The following ZNF556 variants were observed in gnomAD, a reference collection of about 807,000 sequenced individuals.
ZNF556 encodes zinc finger protein 556.
A neutral mutation model predicts 13.6 loss-of-function variants in ZNF556; 11 were observed. That is an observed-to-expected ratio of 0.81 (90% CI 0.51 to 1.33). The LOEUF (loss-of-function observed/expected upper bound fraction) is 1.33. ZNF556 is among the 40% of genes most tolerant of loss of function. ZNF556 has a pLI of 0.00. For missense variants in ZNF556, 633 were observed against 566.2 expected, an observed-to-expected ratio of 1.12 and a Z score of -1.20; for synonymous variants, 229 against 207.8, an observed-to-expected ratio of 1.10 and a Z score of -0.88.
chr19:2,867,495 G>T (rs1325811365), intron 1 of ZNF556, 71 bp downstream of exon 1: 3 of 1,558,696 alleles, frequency 1.9e-6, no homozygotes, highest in East Asian at 2.3e-5. Flanking sequence ...GCCAGAACAC[G>T]CTGAAACTCC....
chr19:2,869,150 C>G (rs555861013), intron 1 of ZNF556, among the ~76,000 whole-genome samples: 1 of 152,292 alleles, frequency 6.6e-6, no homozygotes, highest in East Asian at 1.9e-4. Context: ...GACATTATTA[C>G]ATGTGTGTCC....
Position 2,881,290 on chromosome 19 carries a change from A to G in ZNF556, c.*2961A>G, listed in dbSNP as rs2087902983. ...ATAAAACAAGTTTAAACTTTATTGG[A>G]GCCCAGTAGCAATGGCTCACGCCTG... On this transcript the variant is annotated 3_prime_UTR_variant, in exon 4 of 4. Coordinates refer to ENST00000307635, the MANE Select transcript of ZNF556 (RefSeq NM_024967.3). 6.6e-6 allele frequency: 1 copy of G among 152,240 alleles called. No individual in the cohort carries two copies. The highest frequency in any genetic ancestry group is 2.4e-5 in the African/African-American group (1 of 41,476). 9.4% of individuals were successfully genotyped at this position (152,240 alleles called of 1,614,324 possible). A position where few individuals can be genotyped will look rare whatever the true frequency, so the allele number is the denominator to read the frequency against.
chr19:2,867,502 C>G, intron 1 of ZNF556, 78 bp downstream of exon 1: 2 of 1,554,512 alleles, frequency 1.3e-6, no homozygotes, highest in African/African-American at 2.7e-5. Context: ...CACGCTGAAA[C>G]TCCCGGGGGA....
intron 1 of ZNF556, among the ~76,000 whole-genome samples, chr19:2,871,273 A>G (rs1033360639): frequency 6.6e-6 from 1 of 152,210 alleles, no homozygotes; most frequent in Non-Finnish European, 1.5e-5. Context: ...CCTGGGGCAC[A>G]TTATGCTATG....
intron 1 of ZNF556, 118 bp from the exon 2 acceptor site, chr19:2,873,378 C>G (rs1207113770): frequency 7.8e-7 from 1 of 1,281,238 alleles, no homozygotes; most frequent in African/African-American, 1.5e-5. Context: ...AGGACTGAGT[C>G]TTAAATAGAT....
In ZNF556 at chr19:2,881,278, A is replaced by C. The variant is rs1332394920; in HGVS notation, c.*2949A>C. 1 of 152,258 alleles carries C rather than the reference A, an allele frequency of 6.6e-6. No homozygotes were observed. Among genetic ancestry groups the C allele is most frequent in the Admixed American group, 6.5e-5 (1 of 15,274 alleles). 9.4% of individuals were successfully genotyped at this position (152,258 alleles called of 1,614,324 possible). A position where few individuals can be genotyped will look rare whatever the true frequency, so the allele number is the denominator to read the frequency against. ...AAAAGATAACTAATAAAACAAGTTTAAACTTTATTGGAGCCCAGTAGCAAT... is the reference window on the plus strand; with the variant it reads ...AAAAGATAACTAATAAAACAAGTTTCAACTTTATTGGAGCCCAGTAGCAAT... On this transcript the variant is annotated 3_prime_UTR_variant, in exon 4 of 4. Coordinates refer to ENST00000307635, the MANE Select transcript of ZNF556 (RefSeq NM_024967.3).
At position 2,880,981 on chromosome 19, in the gene ZNF556, C is replaced by A. The variant is rs536314424; in HGVS notation, c.*2652C>A. ...CGCCAAGGTTCAAGTGATTCTCCTA[C>A]CTCAGCCTCCTGAAGAGCTGGGATT... On this transcript the variant is annotated 3_prime_UTR_variant, in exon 4 of 4. Coordinates refer to ENST00000307635, the MANE Select transcript of ZNF556 (RefSeq NM_024967.3). 1 of 150,828 alleles carries A rather than the reference C, an allele frequency of 6.6e-6. No individual in the cohort carries two copies. Among genetic ancestry groups the A allele is most frequent in the African/African-American group, 2.4e-5 (1 of 41,088 alleles). 9.3% of individuals were successfully genotyped at this position (150,828 alleles called of 1,614,324 possible).
rs1405025499 is a variant in ZNF556, at chr19:2,876,074, G to A, written c.131-19G>A. On this transcript the variant is annotated intron_variant, in intron 2 of 3. Transcript: ENST00000307635. ...TGCAGATGCCTTCCTCATCATATTG[G>A]TTCACTTTTTTGTTTCAGATAATGA... 3.8e-6 allele frequency: 6 copies of A among 1,589,654 alleles called. No individual in the cohort carries two copies. In the African/African-American group the frequency reaches 4.1e-5, roughly 11 times the overall value.
At chr19:2,875,747 A>G (rs958105268) in intron 2 of ZNF556, among the ~76,000 whole-genome samples, 4 of 151,020 alleles carry the variant, frequency 2.6e-5, no homozygotes, top group African/African-American at 9.7e-5. Context: ...GGCGAATCAC[A>G]AGGTCAGGAG....
In ZNF556 at chr19:2,877,840, A is replaced by G. The variant is rs2087870417; in HGVS notation, c.882A>G (p.Lys294=). 1 of 1,614,230 alleles carries G rather than the reference A, an allele frequency of 6.2e-7. No homozygotes were observed. The highest frequency in any genetic ancestry group is 8.5e-7 in the Non-Finnish European group (1 of 1,180,056). ...GRPYECKQCG[K]AYCWATSFQR... is the part of the protein sequence containing the mutation. ...CGTATGAGTGCAAGCAGTGTGGGAAAGCCTACTGCTGGGCAACATCCTTTC... is the reference window on the plus strand; with the variant it reads ...CGTATGAGTGCAAGCAGTGTGGGAAGGCCTACTGCTGGGCAACATCCTTTC... The change falls in exon 4 of 4, where the codon AAA becomes AAG. Residue 294 remains lysine, a synonymous_variant. Transcript: ENST00000307635.
At chr19:2,873,734 A>T in intron 2 of ZNF556, 112 bp downstream of exon 2, 1 of 1,322,068 alleles carries the variant, frequency 7.6e-7, no homozygotes, top group Non-Finnish European at 1.0e-6. Context: ...CAGGAGGATC[A>T]CTTGAGGCTA....
intron 1 of ZNF556, 105 bp downstream of exon 1, chr19:2,867,529 A>G: frequency 6.7e-7 from 1 of 1,488,086 alleles, no homozygotes; most frequent in Non-Finnish European, 9.2e-7. Flanking sequence ...CGGAACCCCC[A>G]TGCAGCCTCT....
rs770141593 is a variant in ZNF556 at position 2,877,259 on chromosome 19, C to A, written c.315-14C>A. 19 of 1,581,586 alleles carry A rather than the reference C, an allele frequency of 1.2e-5. No homozygotes were observed. The South Asian group carries it at 1.8e-4, about 15-fold the overall frequency. ...TAAGGCATAAACCATTAATAATGTG[C>A]TACCCATTTTTAGCAGAAATCCAAG... On this transcript the variant is annotated splice_polypyrimidine_tract_variant and intron_variant, in intron 3 of 3. Coordinates refer to ENST00000307635, the MANE Select transcript of ZNF556 (RefSeq NM_024967.3).
chr19:2,868,235 C>T (rs2087773652), intron 1 of ZNF556, among the ~76,000 whole-genome samples: 1 of 151,532 alleles, frequency 6.6e-6, no homozygotes, highest in Non-Finnish European at 1.5e-5. Context: ...GAAAAAGAAT[C>T]GCAGAGAAAG....
At position 2,882,735 on chromosome 19, in the gene ZNF556, T is replaced by TA. The variant is rs1189938669; in HGVS notation, c.*4407dup. ...ACGCCCAGCTAATTTTTTGTATTTT[T>TA]AGTACAGGTGGGGTTTCACCTTGTT... On this transcript the variant is annotated 3_prime_UTR_variant, in exon 4 of 4. Coordinates refer to ENST00000307635, the MANE Select transcript of ZNF556 (RefSeq NM_024967.3). 6.6e-6 allele frequency: 1 copy of TA among 152,118 alleles called. No individual in the cohort carries two copies. The highest frequency in any genetic ancestry group is 2.4e-5 in the African/African-American group (1 of 41,404). The allele number at this position is 152,118 out of a possible 1,614,324, so 9.4% of individuals were successfully genotyped here. A position where few individuals can be genotyped will look rare whatever the true frequency, so the allele number is the denominator to read the frequency against.
chr19:2,874,028 G>A lies in ZNF556; in HGVS notation c.130+406G>A, dbSNP rs139060257. On this transcript the variant is annotated intron_variant, in intron 2 of 3. Coordinates refer to ENST00000307635, the MANE Select transcript of ZNF556 (RefSeq NM_024967.3). Reference sequence around the variant, plus strand: ...TCTCAGCACTTTGGGAGGCCAAGGCGGGTGGATTGCCTGAGCTCAGGAGTT... The same window carrying A: ...TCTCAGCACTTTGGGAGGCCAAGGCAGGTGGATTGCCTGAGCTCAGGAGTT... Among the ~76,000 whole-genome samples, 1,338 of 150,516 alleles carry A rather than the reference G, an allele frequency of 8.9e-3. 25 individuals are homozygous for A. Among genetic ancestry groups the A allele is most frequent in the African/African-American group, 0.031 (1,267 of 40,940 alleles).
chr19:2,870,021 C>T (rs950827271), intron 1 of ZNF556, among the ~76,000 whole-genome samples: 3 of 152,324 alleles, frequency 2.0e-5, no homozygotes, highest in Admixed American at 6.5e-5. Flanking sequence ...AGGGCCTAAC[C>T]TCTGGCTGTT....
chr19:2,869,053 A>T (rs2087780771), intron 1 of ZNF556, among the ~76,000 whole-genome samples: 1 of 152,110 alleles, frequency 6.6e-6, no homozygotes, highest in Non-Finnish European at 1.5e-5. Flanking sequence ...TCATAGGGAT[A>T]TATTGTTAGT....
chr19:2,873,566 A>G lies in ZNF556; in HGVS notation c.74A>G (p.Gln25Arg), dbSNP rs531148585. 1.9e-5 allele frequency: 30 copies of G among 1,614,200 alleles called. No individual in the cohort carries two copies. The South Asian group carries it at 2.4e-4, about 13-fold the overall frequency. Residue 25 changes from glutamine to arginine, a missense_variant, in exon 2 of 4, where the codon CAG (glutamine) becomes CGG (arginine). By Grantham distance (43) the Gln-to-Arg change is conservative. Coordinates refer to ENST00000307635, the MANE Select transcript of ZNF556 (RefSeq NM_024967.3). ...LEEWALLNPA[Q>R]RKLYRDVMLE... is the part of the protein sequence containing the mutation. Reference sequence around the variant, plus strand: ...GAGTGGGCCTTGCTGAATCCTGCTCAGAGAAAACTCTACAGAGATGTCATG... The same window carrying G: ...GAGTGGGCCTTGCTGAATCCTGCTCGGAGAAAACTCTACAGAGATGTCATG...
Sources: allele counts gnomAD v4.1 joint callset (sites outside exome capture counted in the v4.1 genomes callset), GRCh38; gene constraint gnomAD v4.1.1; transcripts MANE v1.5; gene names NCBI Gene and HGNC (gene_info 2026-07-23, HGNC 2026-07-21).